The following CLIP1 variants were observed in gnomAD, a reference collection of about 807,000 sequenced individuals.
CLIP1 encodes the protein CAP-Gly domain-containing linker protein 1.
Under a neutral mutation model 161.6 loss-of-function variants are expected in CLIP1, and 66 were observed. The observed-to-expected ratio is 0.41, with a 90% confidence interval of 0.33 to 0.50. CLIP1 has a LOEUF of 0.50. Ranked by LOEUF, CLIP1 falls within the 20% of genes least tolerant of loss-of-function variation. CLIP1 has a pLI of 0.27. For synonymous variants in CLIP1, 598 were observed against 626.2 expected, an observed-to-expected ratio of 0.96 and a Z score of 0.67; for missense variants, 1,376 against 1,702.0, an observed-to-expected ratio of 0.81 and a Z score of 3.37.
rs963718862 is a variant in CLIP1 at position 122,292,948 on chromosome 12, G to A, written c.3595-4407C>T. On this transcript the variant is annotated intron_variant, in intron 20 of 25. Coordinates refer to ENST00000620786, the MANE Select transcript of CLIP1 (RefSeq NM_001247997.2). Reference sequence around the variant, plus strand: ...AACCCGGGAGGCGGAGCTTGCAGTGGGCCGAGATAGCACCACTGCAGTCCA... The same window carrying A: ...AACCCGGGAGGCGGAGCTTGCAGTGAGCCGAGATAGCACCACTGCAGTCCA... 1.2e-4 allele frequency among the ~76,000 whole-genome samples: 18 copies of A among 144,992 alleles called. 1 individual carries two copies. The highest frequency in any genetic ancestry group is 4.4e-4 in the African/African-American group (16 of 36,674).
At position 122,355,022 on chromosome 12, in the gene CLIP1, C is replaced by G. The variant is rs1953259828; in HGVS notation, c.1203+93G>C. Reference sequence around the variant, plus strand: ...ACACCCATTTCTTGTGCTCTCAAGTCTAGCTCCTCGGTGCCAAGCACCGGG... The same window carrying G: ...ACACCCATTTCTTGTGCTCTCAAGTGTAGCTCCTCGGTGCCAAGCACCGGG... On this transcript the variant is annotated intron_variant, in intron 6 of 25. Transcript: ENST00000620786. The surrounding 1 kb of genome is among the most constrained non-coding windows in gnomAD (Gnocchi z 4.1). 1.8e-6 allele frequency: 2 copies of G among 1,125,188 alleles called. No homozygotes were observed. The highest frequency in any genetic ancestry group is 2.6e-6 in the Non-Finnish European group (2 of 766,194). 69.7% of individuals were successfully genotyped at this position (1,125,188 alleles called of 1,614,324 possible). A position where few individuals can be genotyped will look rare whatever the true frequency, so the allele number is the denominator to read the frequency against.
intron 11 of CLIP1, among the ~76,000 whole-genome samples, chr12:122,337,145 T>G (rs557084010): frequency 1.3e-5 from 2 of 151,630 alleles, no homozygotes; most frequent in Non-Finnish European, 2.9e-5. Flanking sequence ...TTTAAAAAAT[T>G]TTTTTACAGA....
chr12:122,364,013 C>T lies in CLIP1; in HGVS notation c.752G>A (p.Gly251Glu). Residue 251 changes from glycine to glutamate, a missense_variant, in exon 4 of 26, where the codon GGG (glycine) becomes GAG (glutamate). By Grantham distance (98) the Gly-to-Glu change is moderately conservative. Coordinates refer to ENST00000620786, the MANE Select transcript of CLIP1 (RefSeq NM_001247997.2). ...WCGVELDEPL[G>E]KNDGAVAGTR... is the part of the protein sequence containing the mutation. The stretch of plus-strand genomic sequence containing the variant: ...TCCAGCAACAGCGCCATCATTCTTC[C>T]CAAGTGGCTCATCTAACTCCACGCC... 1 of 1,614,170 alleles carries T rather than the reference C, an allele frequency of 6.2e-7. No homozygotes were observed. The highest frequency in any genetic ancestry group is 8.5e-7 in the Non-Finnish European group (1 of 1,180,028).
At chr12:122,391,548 C>T (rs991137325) in intron 1 of CLIP1, among the ~76,000 whole-genome samples, 13 of 152,252 alleles carry the variant, frequency 8.5e-5, no homozygotes, top group Non-Finnish European at 4.4e-5. Context: ...ATCGCGCCAT[C>T]GTACTCCAGC....
intron 5 of CLIP1, among the ~76,000 whole-genome samples, chr12:122,356,452 G>A (rs980306443): frequency 1.3e-5 from 2 of 152,210 alleles, no homozygotes; most frequent in African/African-American, 4.8e-5. Context: ...TGACGAAAAT[G>A]AAAGTATGAT....
At chr12:122,294,691 C>G (rs1950402673) in intron 20 of CLIP1, among the ~76,000 whole-genome samples, 2 of 151,770 alleles carry the variant, frequency 1.3e-5, no homozygotes. Context: ...TGAGTCAAGA[C>G]TGCACCACAG....
chr12:122,309,634 T>A lies in CLIP1; in HGVS notation c.3594+128A>T, dbSNP rs867940361. On this transcript the variant is annotated intron_variant, in intron 20 of 25. Transcript: ENST00000620786. ...AAAACAAGGAGACACATAGCACAGG[T>A]AACTTGGAATTCCATTTGGAATGAC... 22 of 1,085,604 alleles carry A rather than the reference T, an allele frequency of 2.0e-5. No homozygotes were observed. The Middle Eastern group carries it at 9.6e-4, about 47-fold the overall frequency. 67.2% of individuals were successfully genotyped at this position (1,085,604 alleles called of 1,614,324 possible).
chr12:122,284,514 G>T (rs558427831), intron 21 of CLIP1, among the ~76,000 whole-genome samples: 1 of 151,794 alleles, frequency 6.6e-6, no homozygotes, highest in East Asian at 1.9e-4. Context: ...CACCGTGCCC[G>T]GCTATTTTTG....
rs559078599 is a variant in CLIP1, at chr12:122,280,078, T to A, written c.3648-933A>T. ...GTACCTATTTAAAGTTGTGTGTTTTTTTTATTTTTTTTTTTGACAGAGTCT... is the reference window on the plus strand; with the variant it reads ...GTACCTATTTAAAGTTGTGTGTTTTATTTATTTTTTTTTTTGACAGAGTCT... On this transcript the variant is annotated intron_variant, in intron 21 of 25. Transcript: ENST00000620786. 2.0e-5 allele frequency: 3 copies of A among 150,596 alleles called. No homozygotes were observed. In the South Asian group the frequency reaches 6.2e-4, roughly 31 times the overall value. 9.3% of individuals were successfully genotyped at this position (150,596 alleles called of 1,614,324 possible).
chr12:122,333,035 T>C lies in CLIP1; in HGVS notation c.2819A>G (p.Asn940Ser). The C allele has an allele frequency of 6.2e-7, 1 of 1,613,876 alleles. No individual in the cohort carries two copies. The highest frequency in any genetic ancestry group is 8.5e-7 in the Non-Finnish European group (1 of 1,179,886). Residue 940 changes from asparagine (N) to serine (S), a missense_variant, in exon 15 of 26, where the codon AAC becomes AGC. This residue lies in a region of CLIP1 where 948 missense variants were observed against 1,134.8 expected (regional missense o/e 0.84). Transcript: ENST00000620786. ...GTTCATTTTTGTCAGCTGAGAAGAG[T>C]TATCTCCTGACATCTTCATTATTTC... ...IAEIMKMSGD[N>S]SSQLTKMNDE...
At chr12:122,325,675 A>T (rs1566118527) in intron 17 of CLIP1, among the ~76,000 whole-genome samples, 1 of 148,410 alleles carries the variant, frequency 6.7e-6, no homozygotes, top group Non-Finnish European at 1.5e-5. Context: ...TTATTTTTTG[A>T]GACAGTCTCA....
At chr12:122,396,771 A>T (rs1240939189) in intron 1 of CLIP1, 3 of 141,620 alleles carry the variant, frequency 2.1e-5, no homozygotes, top group South Asian at 2.2e-4. Flanking sequence ...GTTGTTGTTT[A>T]TTTTTTTTTT....
intron 1 of CLIP1, among the ~76,000 whole-genome samples, chr12:122,393,604 G>A (rs1191295343): frequency 1.3e-5 from 2 of 152,072 alleles, no homozygotes; most frequent in South Asian, 2.1e-4. Flanking sequence ...TAGTCTCTAA[G>A]AAAGTGTTTT....
In CLIP1 at chr12:122,422,104, A is replaced by G. The variant is rs183364709; in HGVS notation, c.-107+417T>C. 1.3e-3 allele frequency among the ~76,000 whole-genome samples: 199 copies of G among 152,104 alleles called. 1 individual carries two copies. Among genetic ancestry groups the G allele is most frequent in the Non-Finnish European group, 2.4e-3 (164 of 67,938 alleles). On this transcript the variant is annotated intron_variant, in intron 1 of 25. Coordinates refer to ENST00000620786, the MANE Select transcript of CLIP1 (RefSeq NM_001247997.2). ...GGTGACAGGCGCGGCGCCCGGGGCAACAGGTCCCGCCCGGCTTCGGCCTCC... is the reference window on the plus strand; with the variant it reads ...GGTGACAGGCGCGGCGCCCGGGGCAGCAGGTCCCGCCCGGCTTCGGCCTCC...
Position 122,272,722 on chromosome 12 carries a change from G to A in CLIP1, c.*153C>T. 2 of 656,582 alleles carry A rather than the reference G, an allele frequency of 3.0e-6. No individual in the cohort carries two copies. Among genetic ancestry groups the A allele is most frequent in the South Asian group, 3.8e-5 (2 of 52,428 alleles). 40.7% of individuals were successfully genotyped at this position (656,582 alleles called of 1,614,324 possible). On this transcript the variant is annotated 3_prime_UTR_variant, in exon 26 of 26. Transcript: ENST00000620786. The stretch of plus-strand genomic sequence containing the variant: ...CTAACTCATACGGGGAGACTAAAGG[G>A]CAATTTGTTGAAGATCAAAATATTT...
chr12:122,311,494 G>A lies in CLIP1; in HGVS notation c.3474-1612C>T, dbSNP rs917553841. 2.0e-5 allele frequency among the ~76,000 whole-genome samples: 3 copies of A among 151,538 alleles called. No homozygotes were observed. Among genetic ancestry groups the A allele is most frequent in the Admixed American group, 2.0e-4 (3 of 15,210 alleles). Reference sequence around the variant, plus strand: ...GGCTGGAGTGCAGTGGCACGAACTCGGCTCACTGCAAGCTCCACCTCCCAG... The same window carrying A: ...GGCTGGAGTGCAGTGGCACGAACTCAGCTCACTGCAAGCTCCACCTCCCAG... On this transcript the variant is annotated intron_variant, in intron 19 of 25. Coordinates refer to ENST00000620786, the MANE Select transcript of CLIP1 (RefSeq NM_001247997.2). This position sits in a 1 kb window ranked among gnomAD's most constrained non-coding sequence, Gnocchi z 4.3.
In CLIP1 at chr12:122,341,427, T is replaced by C. The variant is rs771496362; in HGVS notation, c.1777A>G (p.Thr593Ala). The C allele has an allele frequency of 1.2e-6, 2 of 1,614,144 alleles. No homozygotes were observed. The highest frequency in any genetic ancestry group is 2.2e-5 in the East Asian group (1 of 44,880). The change falls in exon 11 of 26, where the codon ACC becomes GCC. Residue 593 changes from threonine (T) to alanine (A), a missense_variant. Thr to Ala is a moderately conservative substitution (Grantham distance 58). Around this residue, in one of 6 missense-constraint regions of CLIP1, gnomAD observed 948 missense variants for 1,134.8 expected, o/e 0.84. Coordinates refer to ENST00000620786, the MANE Select transcript of CLIP1 (RefSeq NM_001247997.2). ...TCTTTGGAAAGCTTTTCCGTGGCGG[T>C]ATACAGAGCCTTTATCTCCTTCTGA... ...THQKEIKALY[T>A]ATEKLSKENE...
At chr12:122,392,030 G>C (rs1955681172) in intron 1 of CLIP1, among the ~76,000 whole-genome samples, 1 of 152,334 alleles carries the variant, frequency 6.6e-6, no homozygotes, top group South Asian at 2.1e-4. Flanking sequence ...TAGCACGTTA[G>C]GGGGCTGAGG....
At chr12:122,341,762 C>CCTTTTTTTTTTTTTTTTTTTTT (rs1566143047) in intron 10 of CLIP1, 65 bp from the exon 11 acceptor site, 2 of 96,018 alleles carry the variant, frequency 2.1e-5, no homozygotes, top group Non-Finnish European at 4.3e-5. Context: ...ATTTTCTTTT[C>CCTTTTTTTTTTTTTTTTTTTTT]TTTTTTTTTT....
Sources: allele counts gnomAD v4.1 joint callset (sites outside exome capture counted in the v4.1 genomes callset), GRCh38; gene constraint gnomAD v4.1.1; regional missense constraint gnomAD v4.1.1; non-coding constraint Gnocchi (gnomAD v3.1); transcripts MANE v1.5; gene names NCBI Gene and HGNC (gene_info 2026-07-23, HGNC 2026-07-21).